The following ZC3H3 variants were observed in gnomAD, a reference collection of about 807,000 sequenced individuals.
ZC3H3 encodes zinc finger CCCH-type containing 3.
In ZC3H3, 36 loss-of-function variants were observed where a neutral mutation model predicts 77.3. The ratio of observed to expected loss-of-function variants is 0.47; its 90% confidence interval spans 0.36 to 0.61. The LOEUF is 0.61. ZC3H3 is among the 20% of genes least tolerant of loss of function. ZC3H3 has a pLI of 0.00. For missense variants in ZC3H3, 1,331 were observed against 1,312.2 expected (o/e 1.01, Z -0.22); for synonymous variants, 626 against 555.2 (o/e 1.13, Z -1.79).
chr8:143,533,088 C>T lies in ZC3H3; in HGVS notation c.1561+3169G>A, dbSNP rs1822674544. Among the ~76,000 whole-genome samples the T allele has an allele frequency of 6.6e-6, 1 of 152,204 alleles. No homozygotes were observed. Among genetic ancestry groups the T allele is most frequent in the Non-Finnish European group, 1.5e-5 (1 of 68,034 alleles). On this transcript the variant is annotated intron_variant, in intron 3 of 11. Coordinates refer to ENST00000262577, the MANE Select transcript of ZC3H3 (RefSeq NM_015117.3). The surrounding 1 kb of genome is among the most constrained non-coding windows in gnomAD (Gnocchi z 4.0). ...ACACCCCGGGGCCCTGGACACGCCC[C>T]TCCCAGGGTCCTCCCCTGTCCCTCC...
At chr8:143,483,617 C>G (rs561409632) in intron 4 of ZC3H3, among the ~76,000 whole-genome samples, 1 of 152,302 alleles carries the variant, frequency 6.6e-6, no homozygotes, top group South Asian at 2.1e-4. Flanking sequence ...ACCCTGCCCC[C>G]ACGATCTCAG....
intron 5 of ZC3H3, 21 bp downstream of exon 5, chr8:143,475,377 G>T (rs749348370): frequency 6.2e-7 from 1 of 1,601,140 alleles, no homozygotes. Context: ...ATCTCCCAGC[G>T]CCCCCGCCCT....
At chr8:143,512,648 C>T (rs575071049) in intron 3 of ZC3H3, among the ~76,000 whole-genome samples, 1 of 152,340 alleles carries the variant, frequency 6.6e-6, no homozygotes, top group East Asian at 1.9e-4. Flanking sequence ...CCTGAGTTCA[C>T]CCGGCCCCCG....
At position 143,468,671 on chromosome 8, in the gene ZC3H3, A is replaced by AGAGGCAC; in HGVS notation, c.1904-19_1904-13dup. On this transcript the variant is annotated splice_polypyrimidine_tract_variant and intron_variant, in intron 5 of 11. Transcript: ENST00000262577. ...AGGATCCAGCCGGCCTGTGGGGGAG[A>AGAGGCAC]GAGGCACGGGTCATAGCAGGCCACA... The AGAGGCAC allele has an allele frequency of 6.5e-7, 1 of 1,548,618 alleles. No individual in the cohort carries two copies. Among genetic ancestry groups the AGAGGCAC allele is most frequent in the Non-Finnish European group, 8.7e-7 (1 of 1,146,576 alleles).
Position 143,475,296 on chromosome 8 carries a change from A to G in ZC3H3, c.1903+102T>C, listed in dbSNP as rs114003754. Reference sequence around the variant, plus strand: ...GACAGGGGCGTGAGCCAAGGCCCAGAGCAGCCACAGCATGTTGGAGGTTAG... The same window carrying G: ...GACAGGGGCGTGAGCCAAGGCCCAGGGCAGCCACAGCATGTTGGAGGTTAG... On this transcript the variant is annotated intron_variant, in intron 5 of 11. Transcript: ENST00000262577. The G allele has an allele frequency of 3.4e-4, 474 of 1,377,544 alleles. 2 individuals are homozygous for G. In the African/African-American group the frequency reaches 6.4e-3, roughly 19 times the overall value. 85.3% of individuals were successfully genotyped at this position (1,377,544 alleles called of 1,614,324 possible).
intron 4 of ZC3H3, among the ~76,000 whole-genome samples, chr8:143,500,994 T>C (rs1483271686): frequency 6.6e-6 from 1 of 151,030 alleles, no homozygotes; most frequent in Non-Finnish European, 1.5e-5. Context: ...TTTTTTTTTT[T>C]TAAGTAGAGA....
rs756631579 is a variant in ZC3H3, at chr8:143,441,002, G to A, written c.2426C>T (p.Thr809Met). ...TQKRHSRRAA[T>M]SPAPGPSDAT... Reference sequence around the variant, plus strand: ...GTCGCTGGGCCCTGGGGCGGGGGACGTGGCTGCCCGCCGACTGTGGCGTTT... The same window carrying A: ...GTCGCTGGGCCCTGGGGCGGGGGACATGGCTGCCCGCCGACTGTGGCGTTT... Residue 809 changes from threonine (T) to methionine (M), a missense_variant, in exon 10 of 12, where the codon ACG (threonine) becomes ATG (methionine). By Grantham distance (81) the Thr-to-Met change is moderately conservative (BLOSUM62 -1). Transcript: ENST00000262577. The A allele has an allele frequency of 8.2e-6, 12 of 1,471,682 alleles. No individual in the cohort carries two copies. The Admixed American group carries it at 1.1e-4, about 13-fold the overall frequency. 91.2% of individuals were successfully genotyped at this position (1,471,682 alleles called of 1,614,324 possible).
chr8:143,440,782 T>A (rs1413749434), intron 10 of ZC3H3, among the ~76,000 whole-genome samples, 154 bp downstream of exon 10: 2 of 152,148 alleles, frequency 1.3e-5, no homozygotes, highest in African/African-American at 4.8e-5. Context: ...TCTCTGGAGG[T>A]CATGTGATCC....
intron 4 of ZC3H3, among the ~76,000 whole-genome samples, chr8:143,478,186 G>A (rs548796533): frequency 6.6e-6 from 1 of 152,348 alleles, no homozygotes; most frequent in African/African-American, 2.4e-5. Flanking sequence ...CCAGAACCCA[G>A]GTGTGCAAGG....
At chr8:143,501,188 T>C (rs1018063122) in intron 4 of ZC3H3, among the ~76,000 whole-genome samples, 5 of 151,884 alleles carry the variant, frequency 3.3e-5, no homozygotes, top group African/African-American at 9.7e-5. Context: ...TGGGCCATGA[T>C]GGAGTGCTGG....
chr8:143,455,524 A>ATAT, intron 9 of ZC3H3, among the ~76,000 whole-genome samples: 2 of 151,612 alleles, frequency 1.3e-5, no homozygotes, highest in East Asian at 3.9e-4. Context: ...AATAATAATA[A>ATAT]TATAATATTC....
In ZC3H3 at chr8:143,507,887, T is replaced by C; in HGVS notation, c.1574A>G (p.His525Arg). Residue 525 changes from histidine (H) to arginine (R), a missense_variant, in exon 4 of 12, where the codon CAT becomes CGT. By Grantham distance (29) the His-to-Arg change is conservative. Transcript: ENST00000262577. ...GCTGGTGGGTGCAGTCCGCACGGCA[T>C]GCAGGCTGGACGCTGTAGAGAAAAC... ...HLPTKEASSL[H>R]AVRTAPTSKV... 5 of 1,598,504 alleles carry C rather than the reference T, an allele frequency of 3.1e-6. No individual in the cohort carries two copies. Among genetic ancestry groups the C allele is most frequent in the Non-Finnish European group, 4.3e-6 (5 of 1,170,744 alleles).
intron 4 of ZC3H3, among the ~76,000 whole-genome samples, chr8:143,478,552 C>T (rs1033318935): frequency 6.6e-6 from 1 of 152,244 alleles, no homozygotes; most frequent in Non-Finnish European, 1.5e-5. Context: ...TCTTGTGACC[C>T]AGGCTAGAGT....
intron 9 of ZC3H3, among the ~76,000 whole-genome samples, chr8:143,443,547 C>T (rs1819799780): frequency 6.6e-6 from 1 of 152,062 alleles, no homozygotes. Flanking sequence ...AAATACATAG[C>T]CTTAAATGCT....
rs1440234028 is a variant in ZC3H3, at chr8:143,460,289, T to A, written c.2307+5428A>T. Among the ~76,000 whole-genome samples the A allele has an allele frequency of 2.7e-5, 4 of 150,150 alleles. No individual in the cohort carries two copies. The highest frequency in any genetic ancestry group is 5.9e-5 in the Non-Finnish European group (4 of 67,572). ...ATAAATAAATAAATAAATAAATAAA[T>A]AAAAGGCATCCCAATTGAAAAGGAA... is the stretch of plus-strand genomic sequence containing the variant. On this transcript the variant is annotated intron_variant, in intron 9 of 11. Transcript: ENST00000262577. This position sits in a 1 kb window ranked among gnomAD's most constrained non-coding sequence, Gnocchi z 4.0.
Position 143,477,450 on chromosome 8 carries a change from G to A in ZC3H3, c.1716-1865C>T, listed in dbSNP as rs1820767811. On this transcript the variant is annotated intron_variant, in intron 4 of 11. Transcript: ENST00000262577. ...GCACTGTCTGGGCCAGAGGGGTGGA[G>A]GGTAGGCATCCTGCCAGCCAGACTC... 2.0e-5 allele frequency among the ~76,000 whole-genome samples: 3 copies of A among 152,314 alleles called. No homozygotes were observed. In the South Asian group the frequency reaches 6.2e-4, roughly 32 times the overall value.
At chr8:143,506,863 G>A (rs2924510) in intron 4 of ZC3H3, among the ~76,000 whole-genome samples, 4,242 of 152,322 alleles carry the variant, frequency 0.028, 178 homozygotes, top group African/African-American at 0.096. Context: ...GCTAGCAGCA[G>A]GGAACCACCA....
intron 3 of ZC3H3, among the ~76,000 whole-genome samples, chr8:143,518,392 G>A (rs1468802915): frequency 6.6e-6 from 1 of 152,256 alleles, no homozygotes; most frequent in Non-Finnish European, 1.5e-5. Flanking sequence ...CCTTCTCTCA[G>A]GAATCCTCTT....
rs1384429752 is a variant in ZC3H3, at chr8:143,538,564, C to T, written c.803G>A (p.Gly268Asp). The change falls in exon 2 of 12, where the codon GGC (glycine) becomes GAC (aspartate). Residue 268 changes from glycine to aspartate, a missense_variant. Physicochemically the swap from Gly to Asp is moderately conservative, Grantham distance 94. Around this residue, in one of 3 missense-constraint regions of ZC3H3, gnomAD observed 978 missense variants for 915.5 expected, o/e 1.07. Coordinates refer to ENST00000262577, the MANE Select transcript of ZC3H3 (RefSeq NM_015117.3). ...AGACGGAACTGGCTGATCTGTGTGG[C>T]CAGCATCTACTCTCCTGTCCCCAAG... ...QLLGDRRVDA[G>D]HTDQPVPSGS... 1.2e-6 allele frequency: 2 copies of T among 1,611,080 alleles called. No individual in the cohort carries two copies. The highest frequency in any genetic ancestry group is 2.2e-5 in the South Asian group (2 of 91,086).
Sources: gnomAD v4.1 joint callset for allele counts (sites outside exome capture counted in the v4.1 genomes callset) on GRCh38, gnomAD v4.1.1 for gene constraint, gnomAD v4.1.1 regional missense constraint, Gnocchi (gnomAD v3.1) non-coding constraint, MANE v1.5 for transcripts, NCBI Gene and HGNC (gene_info 2026-07-23, HGNC 2026-07-21) for gene names.